The following LRBA variants were observed in gnomAD, a reference collection of about 807,000 sequenced individuals.
LRBA encodes LPS responsive beige-like anchor protein, also known as lipopolysaccharide-responsive and beige-like anchor protein.
A neutral mutation model predicts 330.0 loss-of-function variants in LRBA; 176 were observed. The ratio of observed to expected loss-of-function variants is 0.53; its 90% CI spans 0.47 to 0.60. The LOEUF is 0.60. Ranked by LOEUF, LRBA falls within the 20% of genes least tolerant of loss-of-function variation. The pLI, the probability that LRBA is intolerant of heterozygous loss-of-function variation, is 0.00. For synonymous variants in LRBA, 1,230 were observed against 1,193.0 expected (o/e 1.03, Z -0.64); for missense variants, 3,259 against 3,444.8 (o/e 0.95, Z 1.35).
chr4:150,471,768 G>T, intron 42 of LRBA, 29 bp from the exon 43 acceptor site: 2 of 910,054 alleles, frequency 2.2e-6, no homozygotes, highest in South Asian at 2.8e-5. Context: ...AATGTGATAT[G>T]ATTAATTATA....
At chr4:150,562,267 G>A (rs112846982) in intron 40 of LRBA, among the ~76,000 whole-genome samples, 3 of 152,046 alleles carry the variant, frequency 2.0e-5, no homozygotes, top group Non-Finnish European at 4.4e-5. Flanking sequence ...AGTATTCACC[G>A]GTTGCTTTCC....
At chr4:150,399,142 C>A (rs373269745) in intron 47 of LRBA, among the ~76,000 whole-genome samples, 37 of 152,116 alleles carry the variant, frequency 2.4e-4, no homozygotes, top group East Asian at 2.1e-3. Context: ...TAGAAATTAC[C>A]TTTACTTAAC....
chr4:150,340,080 G>A (rs1289369370), intron 48 of LRBA, among the ~76,000 whole-genome samples: 3 of 151,982 alleles, frequency 2.0e-5, no homozygotes, highest in Non-Finnish European at 2.9e-5. Flanking sequence ...CTCTCCTGCC[G>A]CCTTGCAAAG....
At chr4:150,503,822 G>T (rs961516002) in intron 40 of LRBA, among the ~76,000 whole-genome samples, 6 of 152,088 alleles carry the variant, frequency 3.9e-5, no homozygotes, top group African/African-American at 1.4e-4. Context: ...CGAACCAATG[G>T]CAAAGAAGTT....
At chr4:150,342,568 G>A (rs778016697) in intron 48 of LRBA, among the ~76,000 whole-genome samples, 2 of 152,100 alleles carry the variant, frequency 1.3e-5, no homozygotes, top group Non-Finnish European at 2.9e-5. Flanking sequence ...CAACATAAAA[G>A]TTTAATGTGC....
At chr4:150,363,957 T>G (rs746990863) in intron 47 of LRBA, among the ~76,000 whole-genome samples, 15 of 152,208 alleles carry the variant, frequency 9.9e-5, no homozygotes, top group Non-Finnish European at 2.1e-4. Context: ...TTTGAAAAAT[T>G]TCTGTGATTA....
chr4:150,621,169 G>A (rs1238192355), intron 37 of LRBA, among the ~76,000 whole-genome samples: 12 of 151,910 alleles, frequency 7.9e-5, no homozygotes, highest in Admixed American at 7.9e-4. Context: ...AAAAGCAATT[G>A]CATGAAAATG....
rs142286925 is a variant in LRBA at position 150,568,396 on chromosome 4, T to C, written c.6330+19652A>G. ...CTGCCAAGGGAACTAGAATAAAGCATGTATTTAATGAAATCATTTAATTAT... is the reference window on the plus strand; with the variant it reads ...CTGCCAAGGGAACTAGAATAAAGCACGTATTTAATGAAATCATTTAATTAT... On this transcript the variant is annotated intron_variant, in intron 40 of 56. Transcript: ENST00000651943. Among the ~76,000 whole-genome samples the C allele has an allele frequency of 3.4e-3, 523 of 152,316 alleles. 3 individuals are homozygous for C. Among genetic ancestry groups the C allele is most frequent in the Middle Eastern group, 0.01 (3 of 294 alleles).
At chr4:150,343,957 A>T (rs993613383) in intron 48 of LRBA, among the ~76,000 whole-genome samples, 2 of 151,926 alleles carry the variant, frequency 1.3e-5, no homozygotes, top group Non-Finnish European at 2.9e-5. Flanking sequence ...CTATCCGTCT[A>T]CTCTCCAATC....
intron 36 of LRBA, among the ~76,000 whole-genome samples, chr4:150,706,013 A>G (rs1785582581): frequency 6.6e-6 from 1 of 152,032 alleles, no homozygotes; most frequent in Non-Finnish European, 1.5e-5. Flanking sequence ...AACTATCAAT[A>G]TCTGCAGAAG....
intron 40 of LRBA, 30 bp from the exon 41 acceptor site, chr4:150,491,065 G>A (rs1198112965): frequency 9.3e-7 from 1 of 1,070,856 alleles, no homozygotes; most frequent in South Asian, 1.7e-5. Context: ...TCCCAGGTAA[G>A]TAACAATACT....
chr4:150,380,890 G>A (rs376906284), intron 47 of LRBA, among the ~76,000 whole-genome samples: 3 of 147,396 alleles, frequency 2.0e-5, no homozygotes, highest in African/African-American at 7.5e-5. Context: ...GCTGAGGCAG[G>A]AGAATCACTT....
Position 150,928,518 on chromosome 4 carries a change from A to G in LRBA, c.547T>C (p.Trp183Arg). 6.2e-7 allele frequency: 1 copy of G among 1,610,580 alleles called. No homozygotes were observed. The highest frequency in any genetic ancestry group is 8.5e-7 in the Non-Finnish European group (1 of 1,177,810). The change falls in exon 4 of 57, where the codon TGG (tryptophan) becomes CGG (arginine). Residue 183 changes from tryptophan (W) to arginine (R), a missense_variant and splice_region_variant. By Grantham distance (101) the Trp-to-Arg change is moderately radical. Coordinates refer to ENST00000651943, the MANE Select transcript of LRBA (RefSeq NM_001364905.1). ...FSKLQGDKGR[W>R]PPHAGKLLSV... ...AAAGAGTACTTAAGTTTTTTTACCC[A>G]TCGTCCTTTATCTCCTTGAAGTTTA...
At chr4:150,774,120 T>C (rs969953743) in intron 34 of LRBA, among the ~76,000 whole-genome samples, 7 of 152,186 alleles carry the variant, frequency 4.6e-5, no homozygotes, top group Non-Finnish European at 8.8e-5. Flanking sequence ...TCATGGAGCA[T>C]TTTGCCAACA....
rs1212565343 is a variant in LRBA, at chr4:150,313,838, ATG to A, written c.7693+1721_7693+1722del. On this transcript the variant is annotated intron_variant, in intron 51 of 56. Coordinates refer to ENST00000651943, the MANE Select transcript of LRBA (RefSeq NM_001364905.1). ...ATTTGTTTCATATAGAATATATATA[ATG>A]TATATATATATATATATATATAGCC... is the stretch of plus-strand genomic sequence containing the variant. Among the ~76,000 whole-genome samples the A allele has an allele frequency of 3.4e-4, 41 of 121,952 alleles. No homozygotes were observed. In the South Asian group the frequency reaches 3.4e-3, roughly 10 times the overall value. 80.0% of individuals were successfully genotyped at this position (121,952 alleles called of 152,430 possible). A position where few individuals can be genotyped will look rare whatever the true frequency, so the allele number is the denominator to read the frequency against.
chr4:150,970,548 T>C (rs1224728439), intron 2 of LRBA: 1 of 43,306 alleles, frequency 2.3e-5, no homozygotes, highest in Non-Finnish European at 6.5e-5. Context: ...TGTGTGTGTG[T>C]GTGTGTGTAC....
chr4:150,382,588 A>ACTCCAGCTGG (rs1214005571), intron 47 of LRBA, among the ~76,000 whole-genome samples: 1 of 150,638 alleles, frequency 6.6e-6, no homozygotes. Context: ...GTGCCACTGC[A>ACTCCAGCTGG]CTCCAGCCTG....
At chr4:150,625,827 A>G (rs1776800273) in intron 37 of LRBA, among the ~76,000 whole-genome samples, 1 of 151,712 alleles carries the variant, frequency 6.6e-6, no homozygotes, top group Non-Finnish European at 1.5e-5. Flanking sequence ...CTCCTGTCTC[A>G]GCCTGCCGAG....
At position 150,487,821 on chromosome 4, in the gene LRBA, G is replaced by T. The variant is rs753314998; in HGVS notation, c.6462C>A (p.Phe2154Leu). ...IFMANRVAVMFNFPDPATVKK... is the reference protein window; with the variant it reads ...IFMANRVAVMLNFPDPATVKK... ...TTACTGTTGCAGGGTCTGGGAAGTT[G>T]AACATCACAGCAACTACAACAGATG... is the stretch of plus-strand genomic sequence containing the variant. Residue 2154 changes from phenylalanine (F) to leucine (L), a missense_variant, in exon 42 of 57, where the codon TTC becomes TTA. Coordinates refer to ENST00000651943, the MANE Select transcript of LRBA (RefSeq NM_001364905.1). The T allele has an allele frequency of 1.3e-6, 2 of 1,582,414 alleles. No homozygotes were observed. Among genetic ancestry groups the T allele is most frequent in the South Asian group, 2.3e-5 (2 of 87,630 alleles).
Sources: gnomAD v4.1 joint callset for allele counts (sites outside exome capture counted in the v4.1 genomes callset) on GRCh38, gnomAD v4.1.1 for gene constraint, MANE v1.5 for transcripts, NCBI Gene and HGNC (gene_info 2026-07-23, HGNC 2026-07-21) for gene names.